Variants in ARHGAP15 observed in about 807,000 individuals in gnomAD.
The protein encoded by ARHGAP15 is rho GTPase-activating protein 15.
In ARHGAP15, 51 loss-of-function variants were observed where a neutral mutation model predicts 63.7. The ratio of observed to expected loss-of-function variants is 0.80; its 90% CI spans 0.64 to 1.01. The LOEUF (loss-of-function observed/expected upper bound fraction) is 1.01, where lower values mean the gene tolerates loss of function less well. Ranked by LOEUF, ARHGAP15 falls within the 50% of genes least tolerant of loss-of-function variation. ARHGAP15 has a pLI of 0.00. For synonymous variants in ARHGAP15, 191 were observed against 193.8 expected (o/e 0.99, Z 0.12); for missense variants, 560 against 564.6 (o/e 0.99, Z 0.08).
chr2:143,764,059 T>G (rs1362489049), intron 13 of ARHGAP15, among the ~76,000 whole-genome samples: 1 of 151,872 alleles, frequency 6.6e-6, no homozygotes, highest in Non-Finnish European at 1.5e-5. Flanking sequence ...TAAAAATTTA[T>G]TTTTTAAATG....
At chr2:143,230,659 T>C (rs903476082) in intron 5 of ARHGAP15, among the ~76,000 whole-genome samples, 1 of 152,222 alleles carries the variant, frequency 6.6e-6, no homozygotes, top group African/African-American at 2.4e-5. Context: ...GCTGCATGAA[T>C]TGACTTGCTA....
chr2:143,407,078 T>G (rs1013058231), intron 6 of ARHGAP15, among the ~76,000 whole-genome samples: 2 of 151,988 alleles, frequency 1.3e-5, no homozygotes, highest in African/African-American at 4.8e-5. Context: ...TAGAAATATT[T>G]GGGCTACCAT....
intron 8 of ARHGAP15, among the ~76,000 whole-genome samples, chr2:143,445,153 A>ATTTTT (rs10671306): frequency 0.056 from 4,149 of 73,830 alleles, 102 homozygotes; most frequent in Middle Eastern, 0.13. Context: ...AAGAACAATT[A>ATTTTT]TTTTTTTTTT....
At chr2:143,501,121 C>T (rs551193466) in intron 9 of ARHGAP15, among the ~76,000 whole-genome samples, 3 of 152,182 alleles carry the variant, frequency 2.0e-5, no homozygotes, top group Non-Finnish European at 2.9e-5. Flanking sequence ...AGAAATAAGC[C>T]GATGGTATAA....
At chr2:143,143,390 A>G (rs996750624) in intron 1 of ARHGAP15, among the ~76,000 whole-genome samples, 1 of 151,268 alleles carries the variant, frequency 6.6e-6, no homozygotes, top group Non-Finnish European at 1.5e-5. Flanking sequence ...TTCAAAGAAA[A>G]GGATTGAAAA....
chr2:143,312,088 T>A (rs1293579354), intron 6 of ARHGAP15, among the ~76,000 whole-genome samples: 3 of 152,122 alleles, frequency 2.0e-5, no homozygotes, highest in Admixed American at 6.6e-5. Context: ...GAAACAAAAC[T>A]AAGCTAATGA....
At chr2:143,583,593 C>T (rs990962027) in intron 11 of ARHGAP15, among the ~76,000 whole-genome samples, 8 of 152,016 alleles carry the variant, frequency 5.3e-5, no homozygotes, top group Non-Finnish European at 1.2e-4. Flanking sequence ...TTTGCTTAAG[C>T]CAATGCTTCT....
rs1239792976 is a variant in ARHGAP15 at position 143,359,046 on chromosome 2, A to G, written c.475-76555A>G. Among the ~76,000 whole-genome samples, 6 of 152,302 alleles carry G rather than the reference A, an allele frequency of 3.9e-5. No individual in the cohort carries two copies. In the East Asian group the frequency reaches 1.2e-3, roughly 29 times the overall value. On this transcript the variant is annotated intron_variant, in intron 6 of 13. Transcript: ENST00000295095. ...ATTCCATTAGGGTGCGATTGATTTA[A>G]ACATGTACTATCTACATAATAGTAT...
chr2:143,242,764 A>G (rs1693912419), intron 5 of ARHGAP15, among the ~76,000 whole-genome samples: 2 of 152,202 alleles, frequency 1.3e-5, no homozygotes, highest in Admixed American at 1.3e-4. Flanking sequence ...CATACTTTAG[A>G]CATTAATAAG....
At chr2:143,366,121 G>A (rs1246024264) in intron 6 of ARHGAP15, among the ~76,000 whole-genome samples, 2 of 152,020 alleles carry the variant, frequency 1.3e-5, no homozygotes, top group Non-Finnish European at 2.9e-5. Context: ...TCTCTGCCTT[G>A]GTTATGGTAG....
chr2:143,737,674 C>G (rs927704502), intron 13 of ARHGAP15, among the ~76,000 whole-genome samples: 1 of 152,170 alleles, frequency 6.6e-6, no homozygotes, highest in Non-Finnish European at 1.5e-5. Flanking sequence ...CATAAGGAAC[C>G]ATTCTTCCCA....
At chr2:143,227,887 C>T (rs988515156) in intron 4 of ARHGAP15, among the ~76,000 whole-genome samples, 2 of 151,996 alleles carry the variant, frequency 1.3e-5, no homozygotes, top group African/African-American at 4.8e-5. Flanking sequence ...AAGATATACA[C>T]ATTTTTAGGG....
intron 5 of ARHGAP15, among the ~76,000 whole-genome samples, chr2:143,242,415 C>G (rs910262744): frequency 6.6e-6 from 1 of 152,154 alleles, no homozygotes; most frequent in South Asian, 2.1e-4. Context: ...AAATAAATTG[C>G]CTTTTTAATG....
intron 2 of ARHGAP15, among the ~76,000 whole-genome samples, chr2:143,183,253 A>G (rs906157786): frequency 1.3e-5 from 2 of 152,230 alleles, no homozygotes; most frequent in African/African-American, 4.8e-5. Context: ...CAGATAAGCA[A>G]CAGTAGGAGA....
intron 11 of ARHGAP15, among the ~76,000 whole-genome samples, chr2:143,622,000 TTGTG>T (rs376130498): frequency 2.7e-5 from 4 of 150,580 alleles, no homozygotes; most frequent in African/African-American, 4.9e-5. Flanking sequence ...GTAGAGATAG[TTGTG>T]TGTGTGTGTG....
intron 6 of ARHGAP15, among the ~76,000 whole-genome samples, chr2:143,394,294 A>G (rs556267061): frequency 1.7e-3 from 257 of 152,330 alleles, no homozygotes; most frequent in Non-Finnish European, 3.2e-3. Context: ...GGAGATGTCC[A>G]AGGTGACTCA....
intron 6 of ARHGAP15, among the ~76,000 whole-genome samples, chr2:143,341,574 T>A (rs970881396): frequency 1.3e-5 from 2 of 152,244 alleles, no homozygotes; most frequent in African/African-American, 4.8e-5. Context: ...TAGTCTAAAG[T>A]CACATGTGCA....
intron 12 of ARHGAP15, among the ~76,000 whole-genome samples, chr2:143,672,407 G>A (rs1197964802): frequency 2.0e-5 from 3 of 152,116 alleles, no homozygotes; most frequent in Non-Finnish European, 2.9e-5. Flanking sequence ...GATGTAAAGA[G>A]CCCAACTATG....
chr2:143,709,269 C>T (rs1298085312), intron 13 of ARHGAP15, among the ~76,000 whole-genome samples: 1 of 152,104 alleles, frequency 6.6e-6, no homozygotes, highest in Non-Finnish European at 1.5e-5. Flanking sequence ...GGTGTAAGGA[C>T]TCAAAAGAAC....
Sources: allele counts gnomAD v4.1 joint callset (sites outside exome capture counted in the v4.1 genomes callset), GRCh38; gene constraint gnomAD v4.1.1; transcripts MANE v1.5; gene names NCBI Gene and HGNC (gene_info 2026-07-23, HGNC 2026-07-21).